FAM184A: variants seen among roughly 807,000 people sequenced by gnomAD.
The protein encoded by FAM184A is protein FAM184A.
FAM184A carries 99 observed loss-of-function variants against 143.8 expected under a neutral mutation model. The observed-to-expected ratio is 0.69, with a 90% confidence interval of 0.58 to 0.81. FAM184A has a LOEUF of 0.81. FAM184A is among the 40% of genes least tolerant of loss of function. FAM184A has a pLI of 0.00. For missense variants in FAM184A, 1,217 were observed against 1,310.5 expected, an observed-to-expected ratio of 0.93 and a Z score of 1.10; for synonymous variants, 427 against 446.4, an observed-to-expected ratio of 0.96 and a Z score of 0.55.
At chr6:119,069,631 T>C (rs1398604483) in intron 1 of FAM184A, among the ~76,000 whole-genome samples, 8 of 152,184 alleles carry the variant, frequency 5.3e-5, no homozygotes, top group African/African-American at 1.9e-4. Flanking sequence ...TCAGCATTCA[T>C]GGATTTGGCC....
intron 5 of FAM184A, among the ~76,000 whole-genome samples, chr6:119,014,700 A>G (rs1889561): frequency 0.49 from 74,124 of 152,070 alleles, 18,871 homozygotes; most frequent in Non-Finnish European, 0.55. Flanking sequence ...CATTTCAAGA[A>G]CTACCAGGTA....
intron 6 of FAM184A, among the ~76,000 whole-genome samples, chr6:119,007,668 C>T (rs767099526): frequency 1.7e-4 from 26 of 152,250 alleles, no homozygotes; most frequent in Middle Eastern, 3.4e-3. Context: ...GGGCTGGGCG[C>T]GGTGGCTTAT....
intron 1 of FAM184A, among the ~76,000 whole-genome samples, chr6:119,114,178 T>A (rs1789002688): frequency 6.6e-6 from 1 of 152,188 alleles, no homozygotes; most frequent in South Asian, 2.1e-4. Context: ...CACTATCCCA[T>A]ATTGCTATTA....
Position 118,969,804 on chromosome 6 carries a change from C to CA in FAM184A, c.2916-2853dup, listed in dbSNP as rs1562455056. Reference sequence around the variant, plus strand: ...TCATGCTATCCCTCCCCCTGCCCCCCACCCCGTGACAGGCCCTGGTGTGTG... The same window carrying CA: ...TCATGCTATCCCTCCCCCTGCCCCCCAACCCCGTGACAGGCCCTGGTGTGTG... On this transcript the variant is annotated intron_variant, in intron 14 of 17. Coordinates refer to ENST00000338891, the MANE Select transcript of FAM184A (RefSeq NM_024581.6). Among the ~76,000 whole-genome samples the CA allele has an allele frequency of 6.2e-5, 8 of 128,590 alleles. 1 individual carries two copies. The South Asian group carries it at 1.0e-3, about 16-fold the overall frequency. The allele number at this position is 128,590 out of a possible 152,430, so 84.4% of individuals were successfully genotyped here.
chr6:119,115,791 C>A (rs1372212535), intron 1 of FAM184A, among the ~76,000 whole-genome samples: 2 of 145,164 alleles, frequency 1.4e-5, no homozygotes, highest in Non-Finnish European at 3.0e-5. Flanking sequence ...GGTGAAACCC[C>A]ATCTCTACTA....
chr6:119,128,675 C>T (rs891366330), intron 1 of FAM184A, among the ~76,000 whole-genome samples: 2 of 152,156 alleles, frequency 1.3e-5, no homozygotes, highest in African/African-American at 4.8e-5. Context: ...ATTTTTAAAA[C>T]TGAGGCCCCC....
chr6:118,967,390 AC>A (rs1783532914), intron 14 of FAM184A, among the ~76,000 whole-genome samples: 1 of 152,240 alleles, frequency 6.6e-6, no homozygotes, highest in African/African-American at 2.4e-5. Context: ...TATAAAAAGG[AC>A]AAGAAACAAA....
intron 1 of FAM184A, among the ~76,000 whole-genome samples, chr6:119,111,967 G>A (rs888838726): frequency 4.6e-5 from 7 of 152,106 alleles, no homozygotes; most frequent in Non-Finnish European, 8.8e-5. Context: ...TTAAAACATA[G>A]CAAAGTAACA....
Position 118,975,158 on chromosome 6 carries a change from G to A in FAM184A, c.2634C>T (p.His878=). 6.2e-7 allele frequency: 1 copy of A among 1,611,482 alleles called. No homozygotes were observed. Among genetic ancestry groups the A allele is most frequent in the Non-Finnish European group, 8.5e-7 (1 of 1,178,664 alleles). ...RITDLQEELR[H]REHHISELDK... is the part of the protein sequence containing the mutation. ...CCAATTCAGAGATGTGATGCTCTCT[G>A]TGTCTTAATTCCTCTTGTAGATCTG... The change falls in exon 13 of 18, where the codon CAC becomes CAT. Residue 878 remains histidine, a synonymous_variant. Transcript: ENST00000338891.
At chr6:118,972,341 C>G (rs1268867305) in intron 14 of FAM184A, among the ~76,000 whole-genome samples, 1 of 152,180 alleles carries the variant, frequency 6.6e-6, no homozygotes, top group Non-Finnish European at 1.5e-5. Context: ...AAGCTACTAA[C>G]CTGGACAAAG....
intron 15 of FAM184A, among the ~76,000 whole-genome samples, chr6:118,965,499 TTGAG>T (rs1783476696): frequency 1.3e-5 from 2 of 152,298 alleles, no homozygotes; most frequent in South Asian, 4.1e-4. Context: ...GATGTTCTAA[TTGAG>T]TAAGCAGAAT....
chr6:119,100,494 G>A (rs960303112), intron 1 of FAM184A, among the ~76,000 whole-genome samples: 11 of 152,102 alleles, frequency 7.2e-5, no homozygotes, highest in African/African-American at 2.7e-4. Context: ...GATGCTTAAG[G>A]TGAAAAGTCA....
intron 9 of FAM184A, among the ~76,000 whole-genome samples, chr6:119,001,517 C>T (rs1343107398): frequency 6.6e-6 from 1 of 151,906 alleles, no homozygotes; most frequent in Admixed American, 6.6e-5. Flanking sequence ...AGATGCAAAG[C>T]ATTAGGTCCT....
At chr6:119,063,695 T>C (rs1389707607) in intron 1 of FAM184A, among the ~76,000 whole-genome samples, 2 of 152,136 alleles carry the variant, frequency 1.3e-5, no homozygotes, top group Non-Finnish European at 2.9e-5. Flanking sequence ...AAATAGCAGG[T>C]AATAGTTGCT....
At chr6:119,005,998 C>A in intron 7 of FAM184A, 1 of 681,648 alleles carries the variant, frequency 1.5e-6, no homozygotes, top group Non-Finnish European at 2.7e-6. Flanking sequence ...CTCCCAATAC[C>A]TCAGAATGTG....
intron 9 of FAM184A, among the ~76,000 whole-genome samples, chr6:118,984,416 G>A (rs1017267282): frequency 3.3e-5 from 5 of 151,404 alleles, no homozygotes; most frequent in Non-Finnish European, 4.4e-5. Flanking sequence ...GGGCTCAAGC[G>A]ATCCTCCTGC....
chr6:119,140,961 G>A (rs527753387), intron 1 of FAM184A, among the ~76,000 whole-genome samples: 289 of 152,318 alleles, frequency 1.9e-3, no homozygotes, highest in Non-Finnish European at 3.0e-3. Flanking sequence ...TTAAGCAGGC[G>A]TTGACAACTG....
At chr6:118,976,677 A>G (rs377637652) in intron 11 of FAM184A, among the ~76,000 whole-genome samples, 1 of 149,558 alleles carries the variant, frequency 6.7e-6, no homozygotes, top group African/African-American at 2.4e-5. Context: ...AAAAAAAAAA[A>G]GAATGAAATT....
At chr6:119,011,188 A>T in intron 6 of FAM184A, 121 bp downstream of exon 6, 1 of 812,228 alleles carries the variant, frequency 1.2e-6, no homozygotes, top group Non-Finnish European at 1.8e-6. Flanking sequence ...TAAAGTTTTT[A>T]AATTATTTTT....
Sources: gnomAD v4.1 joint callset for allele counts (sites outside exome capture counted in the v4.1 genomes callset) on GRCh38, gnomAD v4.1.1 for gene constraint, MANE v1.5 for transcripts, NCBI Gene and HGNC (gene_info 2026-07-23, HGNC 2026-07-21) for gene names.